The following TTLL1 variants were observed in gnomAD, a reference collection of about 807,000 sequenced individuals.
The protein encoded by TTLL1 is TTL family tubulin polyglutamylase complex subunit L1.
TTLL1 carries 33 observed loss-of-function variants against 47.8 expected under a neutral mutation model. The ratio of observed to expected loss-of-function variants is 0.69; its 90% CI spans 0.52 to 0.92. The LOEUF (loss-of-function observed/expected upper bound fraction) is 0.92. TTLL1 is among the 40% of genes least tolerant of loss of function. The pLI is 0.00. For synonymous variants in TTLL1, 225 were observed against 214.1 expected, an observed-to-expected ratio of 1.05 and a Z score of -0.45; for missense variants, 488 against 547.5, an observed-to-expected ratio of 0.89 and a Z score of 1.08.
At chr22:43,051,191 G>A (rs1036322104) in intron 9 of TTLL1, among the ~76,000 whole-genome samples, 1 of 152,370 alleles carries the variant, frequency 6.6e-6, no homozygotes, top group Admixed American at 6.5e-5. Flanking sequence ...CAGAGCAACG[G>A]TTGGGCAAGG....
At chr22:43,057,278 TAA>T (rs11343949) in intron 8 of TTLL1, among the ~76,000 whole-genome samples, 40,637 of 132,372 alleles carry the variant, frequency 0.31, 6,873 homozygotes, top group African/African-American at 0.46. Context: ...CAAATTAAAT[TAA>T]AAAAAAAAAA....
intron 8 of TTLL1, among the ~76,000 whole-genome samples, chr22:43,056,767 A>T (rs1927041804): frequency 6.6e-6 from 1 of 151,982 alleles, no homozygotes; most frequent in South Asian, 2.1e-4. Flanking sequence ...CCTGGGTGAC[A>T]GAGAGAGACT....
intron 10 of TTLL1, chr22:43,040,311 C>T (rs1287084599): frequency 1.1e-5 from 2 of 177,128 alleles, no homozygotes; most frequent in Non-Finnish European, 2.4e-5. Context: ...ACACAAGGCA[C>T]CTGCAGGCTG....
chr22:43,064,917 G>A (rs543807044), intron 5 of TTLL1, among the ~76,000 whole-genome samples: 220 of 152,058 alleles, frequency 1.4e-3, no homozygotes, highest in African/African-American at 4.8e-3. Flanking sequence ...AGGCCGAGGC[G>A]GGTGGATCAC....
chr22:43,044,623 C>T (rs1031955029), intron 10 of TTLL1, among the ~76,000 whole-genome samples: 2 of 152,118 alleles, frequency 1.3e-5, no homozygotes, highest in Non-Finnish European at 2.9e-5. Context: ...CTTTTACTGC[C>T]GTCTGCTTCC....
At position 43,072,981 on chromosome 22, in the gene TTLL1, T is replaced by C. The variant is rs1325791224; in HGVS notation, c.113+2493A>G. On this transcript the variant is annotated intron_variant, in intron 3 of 10. Coordinates refer to ENST00000266254, the MANE Select transcript of TTLL1 (RefSeq NM_012263.5). ...GTTTGCAGTTGTATGAACTTATAAA[T>C]TCAAATACATATGATAAGTTTCAAT... 2.6e-5 allele frequency among the ~76,000 whole-genome samples: 4 copies of C among 152,198 alleles called. No homozygotes were observed. In the East Asian group the frequency reaches 7.7e-4, roughly 29 times the overall value.
chr22:43,039,654 G>A lies in TTLL1; in HGVS notation c.*122C>T, dbSNP rs1925502530. The A allele has an allele frequency of 1.6e-6, 2 of 1,275,690 alleles. No individual in the cohort carries two copies. Among genetic ancestry groups the A allele is most frequent in the Non-Finnish European group, 2.1e-6 (2 of 960,142 alleles). The allele number at this position is 1,275,690 out of a possible 1,614,324, so 79.0% of individuals were successfully genotyped here. A position where few individuals can be genotyped will look rare whatever the true frequency, so the allele number is the denominator to read the frequency against. ...ACAGACTCCATAACCTTCCAAAGAA[G>A]TGCCTTCGTTTATTTACAGGGCTTA... On this transcript the variant is annotated 3_prime_UTR_variant, in exon 11 of 11. Coordinates refer to ENST00000266254, the MANE Select transcript of TTLL1 (RefSeq NM_012263.5).
intron 8 of TTLL1, among the ~76,000 whole-genome samples, chr22:43,054,646 A>C (rs1466937500): frequency 6.7e-6 from 1 of 148,700 alleles, no homozygotes; most frequent in African/African-American, 2.5e-5. Flanking sequence ...CTGGTCTCGA[A>C]CTCCTGACCT....
rs149646459 is a variant in TTLL1, at chr22:43,069,644, A to C, written c.314T>G (p.Leu105Arg). 6.2e-7 allele frequency: 1 copy of C among 1,614,098 alleles called. No individual in the cohort carries two copies. Among genetic ancestry groups the C allele is most frequent in the Non-Finnish European group, 8.5e-7 (1 of 1,180,018 alleles). ...GTGGAAGACGCACAAACCCAGATAG[A>C]GGTATTTTCCATTTTCATCTTTTTC... ...LAEKDENGKYLYLDFVPVTYM... is the reference protein window; with the variant it reads ...LAEKDENGKYRYLDFVPVTYM... Residue 105 changes from leucine to arginine, a missense_variant, in exon 4 of 11, where the codon CTC (leucine) becomes CGC (arginine). Transcript: ENST00000266254.
chr22:43,081,940 C>A (rs1011296446), intron 1 of TTLL1, among the ~76,000 whole-genome samples: 3 of 64,060 alleles, frequency 4.7e-5, no homozygotes, highest in African/African-American at 1.6e-4. Context: ...ACCTCCGCCT[C>A]CTGGGATCAA....
intron 10 of TTLL1, among the ~76,000 whole-genome samples, 153 bp downstream of exon 10, chr22:43,046,257 G>C (rs1926117625): frequency 6.6e-6 from 1 of 152,012 alleles, no homozygotes. Context: ...TTGCTTTTCT[G>C]CTACAACAAG....
At chr22:43,055,918 C>A (rs1330752079) in intron 8 of TTLL1, among the ~76,000 whole-genome samples, 2 of 150,834 alleles carry the variant, frequency 1.3e-5, no homozygotes, top group Non-Finnish European at 3.0e-5. Flanking sequence ...TTTTTTTTTC[C>A]CTTTTTGTGG....
Position 43,064,527 on chromosome 22 carries a change from C to T in TTLL1, c.504-203G>A, listed in dbSNP as rs140890226. 2.2e-3 allele frequency among the ~76,000 whole-genome samples: 335 copies of T among 151,676 alleles called. 6 individuals are homozygous for T. The highest frequency in any genetic ancestry group is 0.019 in the Admixed American group (285 of 15,206). ...ATCACTTCAGGTCGGGAGTTCAAGA[C>T]GAGCCTGGTCAACACGGTGAAACCC... On this transcript the variant is annotated intron_variant, in intron 5 of 10. Transcript: ENST00000266254.
chr22:43,041,166 C>T (rs1488841738), intron 10 of TTLL1: 1 of 152,200 alleles, frequency 6.6e-6, no homozygotes, highest in African/African-American at 2.4e-5. Context: ...GTAAGATTAA[C>T]CTCTAGGACT....
intron 10 of TTLL1, 103 bp from the exon 11 acceptor site, chr22:43,040,008 G>A (rs917094331): frequency 1.3e-5 from 20 of 1,485,614 alleles, no homozygotes; most frequent in African/African-American, 7.0e-5. Flanking sequence ...CCAGAGAAGC[G>A]GCCTGAGGGG....
intron 5 of TTLL1, 75 bp downstream of exon 5, chr22:43,068,335 C>T: frequency 9.2e-6 from 12 of 1,300,320 alleles, no homozygotes; most frequent in Non-Finnish European, 1.2e-5. Flanking sequence ...CAAACAAAAA[C>T]CCACAAAGAC....
At chr22:43,047,470 C>CT (rs528739995) in intron 9 of TTLL1, among the ~76,000 whole-genome samples, 1 of 151,982 alleles carries the variant, frequency 6.6e-6, no homozygotes, top group African/African-American at 2.4e-5. Flanking sequence ...TCAGTCACTA[C>CT]TTTTTTTGGT....
chr22:43,080,902 C>CTTTTTTTTTTTTTTTTTTTTTTTTTT, intron 1 of TTLL1, among the ~76,000 whole-genome samples: 1 of 69,284 alleles, frequency 1.4e-5, no homozygotes, highest in Non-Finnish European at 2.6e-5. Context: ...TGTTGCATGA[C>CTTTTTTTTTTTTTTTTTTTTTTTTTT]TTTTTTTTTT....
At chr22:43,045,563 G>A (rs556107547) in intron 10 of TTLL1, among the ~76,000 whole-genome samples, 4 of 141,398 alleles carry the variant, frequency 2.8e-5, no homozygotes, top group South Asian at 2.2e-4. Context: ...TGCCCGCCTC[G>A]GCCTCCCAAA....
Sources: gnomAD v4.1 joint callset for allele counts (sites outside exome capture counted in the v4.1 genomes callset) on GRCh38, gnomAD v4.1.1 for gene constraint, MANE v1.5 for transcripts, NCBI Gene and HGNC (gene_info 2026-07-23, HGNC 2026-07-21) for gene names.